The following SMC4 variants were observed in gnomAD, a reference collection of about 807,000 sequenced individuals.
The protein encoded by SMC4 is structural maintenance of chromosomes 4.
A neutral mutation model predicts 145.6 loss-of-function variants in SMC4; 87 were observed. The ratio of observed to expected loss-of-function variants is 0.60; its 90% CI spans 0.50 to 0.71. The LOEUF (loss-of-function observed/expected upper bound fraction) is 0.71, where lower values mean the gene tolerates loss of function less well. SMC4 is among the 30% of genes least tolerant of loss of function. The pLI is 0.00. For synonymous variants in SMC4, 558 were observed against 500.7 expected, an observed-to-expected ratio of 1.11 and a Z score of -1.53; for missense variants, 1,447 against 1,537.1, an observed-to-expected ratio of 0.94 and a Z score of 0.98.
rs749856363 is a variant in SMC4 at position 160,425,020 on chromosome 3, G to GTA, written c.2478+3_2478+4dup. ...AGAAAAATTTACTGCAAGCATCCAGGTATGTGTGTGTGTGTGTGTGTGTGT... is the reference window on the plus strand; with the variant it reads ...AGAAAAATTTACTGCAAGCATCCAGGTATATGTGTGTGTGTGTGTGTGTGTGT... On this transcript the variant is annotated splice_donor_variant, in intron 16 of 23. Transcript: ENST00000357388. LOFTEE classifies it high-confidence loss of function. 1.2e-5 allele frequency: 19 copies of GTA among 1,591,360 alleles called. No individual in the cohort carries two copies. The African/African-American group carries it at 1.7e-4, about 14-fold the overall frequency.
chr3:160,434,691 A>T lies in SMC4; in HGVS notation c.*882A>T, dbSNP rs1167529063. The T allele has an allele frequency of 6.6e-6, 1 of 152,232 alleles. No individual in the cohort carries two copies. Among genetic ancestry groups the T allele is most frequent in the African/African-American group, 2.4e-5 (1 of 41,456 alleles). 9.4% of individuals were successfully genotyped at this position (152,232 alleles called of 1,614,324 possible). The stretch of plus-strand genomic sequence containing the variant: ...AGCGTATTTTTACACTATTGGCTCA[A>T]GAATGTTATAATGCTAAGGGACATA... On this transcript the variant is annotated 3_prime_UTR_variant, in exon 24 of 24. Coordinates refer to ENST00000357388, the MANE Select transcript of SMC4 (RefSeq NM_001002800.3).
At chr3:160,420,688 G>C in intron 12 of SMC4, 52 bp from the exon 13 acceptor site, 1 of 1,567,410 alleles carries the variant, frequency 6.4e-7, no homozygotes, top group Non-Finnish European at 8.6e-7. Context: ...TGAATGAAAT[G>C]GTCCTGTGCT....
intron 23 of SMC4, 191 bp downstream of exon 23, chr3:160,433,400 AAAATAT>A: frequency 1.8e-6 from 1 of 544,852 alleles, no homozygotes. Flanking sequence ...TTGGAGGAGT[AAAATAT>A]AAATTAAAAA....
chr3:160,400,630 C>T, intron 1 of SMC4, 192 bp from the exon 2 acceptor site: 2 of 605,668 alleles, frequency 3.3e-6, no homozygotes, highest in Non-Finnish European at 5.3e-6. Context: ...TTACATAGGT[C>T]TTGTTAAGAA....
intron 15 of SMC4, 28 bp downstream of exon 15, chr3:160,423,868 C>CA: frequency 8.2e-7 from 1 of 1,223,108 alleles, no homozygotes; most frequent in South Asian, 1.5e-5. Flanking sequence ...TGTATCCAGA[C>CA]TTTTTTTTTT....
Position 160,433,814 on chromosome 3 carries a change from T to G in SMC4, c.*5T>G. On this transcript the variant is annotated 3_prime_UTR_variant, in exon 24 of 24. Transcript: ENST00000357388. ...GCATCTAAGGGACTTTGTTGAACTT[T>G]ATGCTGAAGATTCTTCAAGTTGATT... 1 of 1,596,644 alleles carries G rather than the reference T, an allele frequency of 6.3e-7. No individual in the cohort carries two copies. Among genetic ancestry groups the G allele is most frequent in the Non-Finnish European group, 8.5e-7 (1 of 1,173,366 alleles).
chr3:160,406,694 C>T (rs974535148), intron 5 of SMC4, among the ~76,000 whole-genome samples: 3 of 151,824 alleles, frequency 2.0e-5, no homozygotes, highest in Non-Finnish European at 4.4e-5. Flanking sequence ...TAAAAAGAAC[C>T]AAATTTTTTA....
At position 160,416,336 on chromosome 3, in the gene SMC4, AAG is replaced by A; in HGVS notation, c.1362_1363del (p.Lys455ArgfsTer11). The A allele has an allele frequency of 6.2e-7, 1 of 1,606,928 alleles. No homozygotes were observed. Among genetic ancestry groups the A allele is most frequent in the South Asian group, 1.1e-5 (1 of 89,834 alleles). ...AGAAACAATGCCCTCGAGAAGGAAAAAGAGAAAGAAGAAAAAAAATTAAAGGA... is the reference window on the plus strand; with the variant it reads ...AGAAACAATGCCCTCGAGAAGGAAAAAGAAAGAAGAAAAAAAATTAAAGGA... On this transcript the variant is annotated frameshift_variant, in exon 10 of 24. Coordinates refer to ENST00000357388, the MANE Select transcript of SMC4 (RefSeq NM_001002800.3). LOFTEE classifies it high-confidence loss of function.
intron 7 of SMC4, chr3:160,412,788 ATTAAAT>A (rs2108467909): frequency 1.1e-6 from 1 of 930,680 alleles, no homozygotes; most frequent in East Asian, 1.1e-4. Flanking sequence ...GGTTGAATTT[ATTAAAT>A]TAGGCATATT....
At chr3:160,414,051 T>C (rs983309036) in intron 8 of SMC4, 4 of 414,354 alleles carry the variant, frequency 9.7e-6, no homozygotes, top group Non-Finnish European at 1.8e-5. Context: ...GTATAGTAAC[T>C]TGTAAGTATA....
intron 22 of SMC4, chr3:160,432,757 A>C (rs898881245): frequency 1.3e-5 from 7 of 526,586 alleles, no homozygotes; most frequent in African/African-American, 9.5e-5. Context: ...TAACATGAGG[A>C]TTGAGAAATT....
At position 160,431,095 on chromosome 3, in the gene SMC4, G is replaced by C. The variant is rs1718355130; in HGVS notation, c.3004G>C (p.Glu1002Gln). 5 of 1,607,706 alleles carry C rather than the reference G, an allele frequency of 3.1e-6. No homozygotes were observed. Among genetic ancestry groups the C allele is most frequent in the Non-Finnish European group, 4.2e-6 (5 of 1,178,278 alleles). Reference protein sequence around the residue: ...NLLQELKVIQENEHALQKDAL... With the variant: ...NLLQELKVIQQNEHALQKDAL... The stretch of plus-strand genomic sequence containing the variant: ...GCTTCAAGAATTAAAAGTTATTCAA[G>C]AAAATGAACATGCTCTTCAAAAAGA... The change falls in exon 20 of 24, where the codon GAA (glutamate) becomes CAA (glutamine). Residue 1002 changes from glutamate to glutamine, a missense_variant. Coordinates refer to ENST00000357388, the MANE Select transcript of SMC4 (RefSeq NM_001002800.3).
intron 10 of SMC4, 49 bp downstream of exon 10, chr3:160,416,464 T>G (rs1228089875): frequency 1.7e-6 from 2 of 1,198,082 alleles, no homozygotes; most frequent in Non-Finnish European, 1.1e-6. Context: ...TTTTTTTTTT[T>G]TAACTTAAAG....
intron 4 of SMC4, 140 bp from the exon 5 acceptor site, chr3:160,404,188 A>T (rs1468375233): frequency 3.0e-6 from 2 of 666,870 alleles, no homozygotes; most frequent in Admixed American, 7.0e-5. Flanking sequence ...ATTAATGAGA[A>T]CTACTGGCAG....
At chr3:160,402,583 A>G (rs939668189) in intron 3 of SMC4, 93 bp from the exon 4 acceptor site, 1 of 1,320,552 alleles carries the variant, frequency 7.6e-7, no homozygotes, top group African/African-American at 1.5e-5. Flanking sequence ...TTTTAACTGC[A>G]AGTAAAAAAA....
chr3:160,425,823 A>T (rs2108495004), intron 16 of SMC4, among the ~76,000 whole-genome samples: 1 of 152,334 alleles, frequency 6.6e-6, no homozygotes, highest in South Asian at 2.1e-4. Flanking sequence ...CAAGTCTTTG[A>T]ACACTAGGGT....
At chr3:160,432,658 T>C (rs1467772597) in intron 22 of SMC4, 143 bp downstream of exon 22, 1 of 593,416 alleles carries the variant, frequency 1.7e-6, no homozygotes, top group East Asian at 2.9e-5. Flanking sequence ...GCTTGCATGC[T>C]ATTTATGCTT....
At chr3:160,428,721 C>T in intron 17 of SMC4, 32 bp from the exon 18 acceptor site, 1 of 1,540,212 alleles carries the variant, frequency 6.5e-7, no homozygotes, top group Non-Finnish European at 8.7e-7. Flanking sequence ...AGCATAAAAA[C>T]ACAAATTAGG....
intron 5 of SMC4, among the ~76,000 whole-genome samples, chr3:160,409,748 T>C (rs1715773269): frequency 1.3e-5 from 2 of 152,166 alleles, no homozygotes; most frequent in African/African-American, 4.8e-5. Flanking sequence ...ATTTGGATGA[T>C]AAACACTAAC....
Sources: allele counts gnomAD v4.1 joint callset (sites outside exome capture counted in the v4.1 genomes callset), GRCh38; gene constraint gnomAD v4.1.1; transcripts MANE v1.5; gene names NCBI Gene and HGNC (gene_info 2026-07-23, HGNC 2026-07-21).